GPR149: variants seen among roughly 807,000 people sequenced by gnomAD.
The protein encoded by GPR149 is G protein-coupled receptor 149, also known as probable G protein-coupled receptor 149.
In GPR149, 50 loss-of-function variants were observed where a neutral mutation model predicts 50.2. That is an observed-to-expected ratio of 1.00 (90% CI 0.79 to 1.26). The LOEUF (loss-of-function observed/expected upper bound fraction) is 1.26, where lower values mean the gene tolerates loss of function less well. Ranked by LOEUF, GPR149 falls within the 50% of genes most tolerant of loss-of-function variation. The probability of loss-of-function intolerance (pLI) is 0.00; values close to 1 mark genes in which losing one functional copy is unlikely to be tolerated. For missense variants in GPR149, 983 were observed against 895.4 expected, an observed-to-expected ratio of 1.10 and a Z score of -1.25; for synonymous variants, 405 against 358.2, an observed-to-expected ratio of 1.13 and a Z score of -1.48.
At chr3:154,365,187 C>A (rs538601132) in intron 3 of GPR149, among the ~76,000 whole-genome samples, 190 of 152,138 alleles carry the variant, frequency 1.2e-3, no homozygotes, top group Non-Finnish European at 2.3e-3. Context: ...AATGTTGATA[C>A]CTTTTAACCC....
intron 3 of GPR149, chr3:154,352,001 T>TA: frequency 1.1e-4 from 33 of 290,982 alleles, no homozygotes; most frequent in Middle Eastern, 1.0e-3. Context: ...GAAACACTTT[T>TA]TAAAAAAAAT....
At chr3:154,406,841 A>T (rs1559987160) in intron 3 of GPR149, among the ~76,000 whole-genome samples, 1 of 152,232 alleles carries the variant, frequency 6.6e-6, no homozygotes, top group Non-Finnish European at 1.5e-5. Flanking sequence ...CTTTTGTATT[A>T]GCCCGTTCTC....
At chr3:154,395,746 G>A (rs1237240144) in intron 3 of GPR149, among the ~76,000 whole-genome samples, 1 of 152,146 alleles carries the variant, frequency 6.6e-6, no homozygotes, top group Non-Finnish European at 1.5e-5. Context: ...AGTGAGCTAT[G>A]ACTGTGCCAC....
chr3:154,393,526 A>G (rs1472833538), intron 3 of GPR149, among the ~76,000 whole-genome samples: 1 of 152,030 alleles, frequency 6.6e-6, no homozygotes, highest in Non-Finnish European at 1.5e-5. Context: ...GAACAAGGCA[A>G]GGATGCCCAC....
At chr3:154,365,605 G>A (rs1278051046) in intron 3 of GPR149, among the ~76,000 whole-genome samples, 6 of 151,970 alleles carry the variant, frequency 3.9e-5, no homozygotes, top group Non-Finnish European at 8.8e-5. Flanking sequence ...TACTATAAGC[G>A]GTTAAGAAAA....
chr3:154,400,847 G>A (rs1711535470), intron 3 of GPR149, among the ~76,000 whole-genome samples: 1 of 152,158 alleles, frequency 6.6e-6, no homozygotes, highest in African/African-American at 2.4e-5. Flanking sequence ...TAAGAGACTA[G>A]CCACTACTAA....
At chr3:154,353,370 GTC>G in intron 3 of GPR149, 1 of 1,388,446 alleles carries the variant, frequency 7.2e-7, no homozygotes, top group Non-Finnish European at 1.0e-6. Context: ...AAAAAGTAAA[GTC>G]TGAGGATGGT....
chr3:154,362,283 C>G (rs1407447765), intron 3 of GPR149, among the ~76,000 whole-genome samples: 1 of 79,130 alleles, frequency 1.3e-5, no homozygotes, highest in East Asian at 4.0e-4. Context: ...AGCAAGACTC[C>G]GTCTCAAAAA....
chr3:154,349,992 C>T (rs138030815), intron 3 of GPR149, among the ~76,000 whole-genome samples: 337 of 152,148 alleles, frequency 2.2e-3, no homozygotes, highest in African/African-American at 7.7e-3. Flanking sequence ...GAGTGCAGTG[C>T]TATGCTCACA....
At chr3:154,391,261 A>C (rs1183944042) in intron 3 of GPR149, among the ~76,000 whole-genome samples, 1 of 151,976 alleles carries the variant, frequency 6.6e-6, no homozygotes, top group African/African-American at 2.4e-5. Flanking sequence ...TAATTGATAC[A>C]CAATATAAAA....
Position 154,429,086 on chromosome 3 carries a change from C to A in GPR149, c.530G>T (p.Arg177Leu). ...GTCCACCAGGCAGCCCCAGGGCGTG[C>A]GCACGAAGGCGCCCCAGCCGCACAG... ...LPLCGWGAFV[R>L]TPWGCLVDCS... The change falls in exon 1 of 4, where the codon CGC becomes CTC. Residue 177 changes from arginine (R) to leucine (L), a missense_variant. By Grantham distance (102) the Arg-to-Leu change is moderately radical. Transcript: ENST00000389740. 1 of 1,613,676 alleles carries A rather than the reference C, an allele frequency of 6.2e-7. No individual in the cohort carries two copies. The highest frequency in any genetic ancestry group is 8.5e-7 in the Non-Finnish European group (1 of 1,179,922).
chr3:154,415,119 C>T (rs1711951104), intron 3 of GPR149, among the ~76,000 whole-genome samples: 1 of 146,816 alleles, frequency 6.8e-6, no homozygotes, highest in Admixed American at 6.8e-5. Context: ...TAGTGAGTTC[C>T]TAGTCACTTG....
chr3:154,353,536 G>C (rs528232445), intron 3 of GPR149: 1 of 927,444 alleles, frequency 1.1e-6, no homozygotes, highest in Non-Finnish European at 1.8e-6. Flanking sequence ...ATATGACCAG[G>C]GGTTCCAACC....
intron 3 of GPR149, among the ~76,000 whole-genome samples, chr3:154,363,566 C>A (rs1714464032): frequency 6.6e-6 from 1 of 152,086 alleles, no homozygotes; most frequent in South Asian, 2.1e-4. Context: ...CTGATAGTGA[C>A]AGGAAACAGA....
chr3:154,379,086 A>C (rs1714860699), intron 3 of GPR149, among the ~76,000 whole-genome samples: 1 of 13,434 alleles, frequency 7.4e-5, no homozygotes. Context: ...TAAAAATACA[A>C]AAAATTAGCC....
intron 3 of GPR149, among the ~76,000 whole-genome samples, chr3:154,369,158 A>G (rs1311727802): frequency 6.6e-6 from 1 of 152,202 alleles, no homozygotes; most frequent in African/African-American, 2.4e-5. Flanking sequence ...CCCTGTGTTT[A>G]AAATTCCAAA....
At chr3:154,354,063 T>C (rs1576902142) in intron 3 of GPR149, 1 of 455,304 alleles carries the variant, frequency 2.2e-6, no homozygotes, top group East Asian at 5.9e-5. Flanking sequence ...CTTTTCTTCC[T>C]ATGAGATTTA....
At chr3:154,340,774 C>T (rs1046795865) in intron 3 of GPR149, among the ~76,000 whole-genome samples, 3 of 152,068 alleles carry the variant, frequency 2.0e-5, no homozygotes, top group East Asian at 3.9e-4. Context: ...CAGGCTGGAG[C>T]GCAATGGCGC....
At chr3:154,344,780 T>C (rs537995032) in intron 3 of GPR149, among the ~76,000 whole-genome samples, 1 of 152,280 alleles carries the variant, frequency 6.6e-6, no homozygotes, top group East Asian at 1.9e-4. Context: ...CAAGAGCTTA[T>C]AGAGGGAGCA....
Sources: gnomAD v4.1 joint callset for allele counts (sites outside exome capture counted in the v4.1 genomes callset) on GRCh38, gnomAD v4.1.1 for gene constraint, MANE v1.5 for transcripts, NCBI Gene and HGNC (gene_info 2026-07-23, HGNC 2026-07-21) for gene names.